Variants in SDK1 observed in about 807,000 individuals in gnomAD.
The protein encoded by SDK1 is protein sidekick-1.
In SDK1, 157 loss-of-function variants were observed where a neutral mutation model predicts 245.5. The ratio of observed to expected loss-of-function variants is 0.64; its 90% CI spans 0.56 to 0.73. The LOEUF (loss-of-function observed/expected upper bound fraction) is 0.73. Among genes scored for constraint, SDK1 ranks in the 30% least tolerant of loss-of-function variants. SDK1 has a pLI of 0.00. For missense variants in SDK1, 3,583 were observed against 3,002.3 expected (o/e 1.19, Z -4.52); for synonymous variants, 1,647 against 1,278.5 (o/e 1.29, Z -6.15).
chr7:3,795,922 G>A (rs1025699997), intron 4 of SDK1, among the ~76,000 whole-genome samples: 3 of 152,192 alleles, frequency 2.0e-5, no homozygotes, highest in East Asian at 1.9e-4. Flanking sequence ...GTGTTTCTGG[G>A]AAGGTAATGA....
chr7:3,504,353 C>G (rs1028225073), intron 1 of SDK1, among the ~76,000 whole-genome samples: 2 of 151,646 alleles, frequency 1.3e-5, no homozygotes, highest in African/African-American at 4.8e-5. Context: ...CCCAGAATGG[C>G]CAAACAGTAT....
chr7:3,313,226 G>T (rs1779590718), intron 1 of SDK1, among the ~76,000 whole-genome samples: 1 of 152,176 alleles, frequency 6.6e-6, no homozygotes, highest in Non-Finnish European at 1.5e-5. Context: ...GACCAACATG[G>T]TGAAATGCCA....
chr7:3,962,518 C>CT, intron 8 of SDK1, 139 bp from the exon 9 acceptor site: 1 of 719,482 alleles, frequency 1.4e-6, no homozygotes, highest in East Asian at 2.8e-5. Flanking sequence ...AAAATAGCTC[C>CT]TTATAGGGTG....
At chr7:3,986,647 T>G (rs1159594620) in intron 13 of SDK1, among the ~76,000 whole-genome samples, 1 of 152,100 alleles carries the variant, frequency 6.6e-6, no homozygotes, top group African/African-American at 2.4e-5. Flanking sequence ...AATCACAAGG[T>G]CAGGAGTTCA....
chr7:3,999,682 G>A (rs1427895203), intron 14 of SDK1, among the ~76,000 whole-genome samples: 1 of 152,240 alleles, frequency 6.6e-6, no homozygotes, highest in Admixed American at 6.5e-5. Flanking sequence ...CTTTGAGCAG[G>A]AGAAGCTGGA....
Position 4,005,667 on chromosome 7 carries a change from G to T in SDK1, c.2132-5299G>T, listed in dbSNP as rs368703205. The stretch of plus-strand genomic sequence containing the variant: ...GGTTTCTGTGGCTACAGACCCGAAA[G>T]CACTTCCAGGCGGCAAACTGCCACA... On this transcript the variant is annotated intron_variant, in intron 14 of 44. Coordinates refer to ENST00000404826, the MANE Select transcript of SDK1 (RefSeq NM_152744.4). 1.2e-4 allele frequency among the ~76,000 whole-genome samples: 19 copies of T among 152,218 alleles called. 1 individual carries two copies. The East Asian group carries it at 1.5e-3, about 12-fold the overall frequency.
chr7:3,698,159 A>G (rs1784629497), intron 4 of SDK1, among the ~76,000 whole-genome samples: 1 of 152,146 alleles, frequency 6.6e-6, no homozygotes, highest in South Asian at 2.1e-4. Context: ...AATGACAGAA[A>G]ACTTTTGGAC....
intron 5 of SDK1, among the ~76,000 whole-genome samples, chr7:3,875,568 C>G (rs1158366821): frequency 6.6e-6 from 1 of 152,242 alleles, no homozygotes; most frequent in African/African-American, 2.4e-5. Context: ...GGCGTCCCCT[C>G]TTTATCCCCA....
chr7:4,083,032 A>T (rs1232659593), intron 22 of SDK1, among the ~76,000 whole-genome samples: 2 of 152,194 alleles, frequency 1.3e-5, no homozygotes, highest in African/African-American at 4.8e-5. Context: ...CGCAGGGTTC[A>T]CACTATTCAT....
chr7:3,581,416 C>T (rs764037747), intron 1 of SDK1, among the ~76,000 whole-genome samples: 1 of 152,086 alleles, frequency 6.6e-6, no homozygotes, highest in Non-Finnish European at 1.5e-5. Flanking sequence ...TCACTGATCA[C>T]TAGGGAAATG....
chr7:3,698,498 G>A (rs144035720), intron 4 of SDK1, among the ~76,000 whole-genome samples: 25 of 152,248 alleles, frequency 1.6e-4, no homozygotes, highest in South Asian at 6.2e-4. Flanking sequence ...GGTGACAAGG[G>A]CCCTCCTCAC....
chr7:3,485,959 C>T (rs117638721), intron 1 of SDK1, among the ~76,000 whole-genome samples: 3,100 of 151,212 alleles, frequency 0.021, 40 homozygotes, highest in Non-Finnish European at 0.036. Flanking sequence ...CCATCTATGC[C>T]TAGTGCTTTT....
intron 13 of SDK1, 57 bp from the exon 14 acceptor site, chr7:3,987,129 A>C: frequency 6.3e-7 from 1 of 1,586,792 alleles, no homozygotes; most frequent in South Asian, 1.1e-5. Flanking sequence ...GCTCAGGCTC[A>C]CCATGGATTC....
rs1426712129 is a variant in SDK1 at position 4,265,671 on chromosome 7, A to C, written c.*287A>C. On this transcript the variant is annotated 3_prime_UTR_variant, in exon 45 of 45. Coordinates refer to ENST00000404826, the MANE Select transcript of SDK1 (RefSeq NM_152744.4). ...TGGCTTGGCACCTCCGGGGCCTGGG[A>C]GGACCTCAGACCTCCCCAGCCCTGG... 1 of 1,204,238 alleles carries C rather than the reference A, an allele frequency of 8.3e-7. No individual in the cohort carries two copies. The highest frequency in any genetic ancestry group is 4.5e-5 in the Admixed American group (1 of 22,156). The allele number at this position is 1,204,238 out of a possible 1,614,324, so 74.6% of individuals were successfully genotyped here. A position where few individuals can be genotyped will look rare whatever the true frequency, so the allele number is the denominator to read the frequency against.
Position 4,110,694 on chromosome 7 carries a change from T to G in SDK1, c.3356T>G (p.Val1119Gly), listed in dbSNP as rs1220073239. 6.2e-7 allele frequency: 1 copy of G among 1,613,726 alleles called. No homozygotes were observed. The highest frequency in any genetic ancestry group is 8.5e-7 in the Non-Finnish European group (1 of 1,179,892). The change falls in exon 23 of 45, where the codon GTC becomes GGC. Residue 1119 changes from valine (V) to glycine (G), a missense_variant. By Grantham distance (109) the Val-to-Gly change is moderately radical (BLOSUM62 -3). Transcript: ENST00000404826. ...GCTATCGGCGACGAGGAGGAGTGGG[T>G]CACCCTCTATGAAGAGGAGAATGAG... Reference protein sequence around the residue: ...VGAIGDEEEWVTLYEEENEPD... With the variant: ...VGAIGDEEEWGTLYEEENEPD...
intron 19 of SDK1, among the ~76,000 whole-genome samples, chr7:4,066,963 T>C (rs117721123): frequency 0.015 from 2,281 of 152,310 alleles, 55 homozygotes; most frequent in African/African-American, 0.046. Flanking sequence ...TGGCATCCTC[T>C]GATCCTAGGA....
At chr7:4,232,392 C>CTTTTTTTTTTTTTTTTTTTTTT (rs1178308855) in intron 40 of SDK1, among the ~76,000 whole-genome samples, 2 of 81,788 alleles carry the variant, frequency 2.4e-5, no homozygotes, top group Non-Finnish European at 5.2e-5. Flanking sequence ...TTCTTTTTTT[C>CTTTTTTTTTTTTTTTTTTTTTT]TTTTCTTTTC....
At chr7:3,361,635 A>G (rs184568168) in intron 1 of SDK1, among the ~76,000 whole-genome samples, 56 of 152,318 alleles carry the variant, frequency 3.7e-4, no homozygotes, top group South Asian at 2.1e-3. Flanking sequence ...AAATAAGAGC[A>G]AGGTGTGGTG....
chr7:4,157,147 A>G (rs1436353860), intron 30 of SDK1, among the ~76,000 whole-genome samples: 1 of 152,038 alleles, frequency 6.6e-6, no homozygotes, highest in Non-Finnish European at 1.5e-5. Flanking sequence ...CTTCACCAAG[A>G]TCCCAGCATT....
Sources: allele counts gnomAD v4.1 joint callset (sites outside exome capture counted in the v4.1 genomes callset), GRCh38; gene constraint gnomAD v4.1.1; transcripts MANE v1.5; gene names NCBI Gene and HGNC (gene_info 2026-07-23, HGNC 2026-07-21).